EFCAB13: variants seen among roughly 807,000 people sequenced by gnomAD.
EFCAB13 encodes the protein EF-hand calcium binding domain 13.
A neutral mutation model predicts 110.2 loss-of-function variants in EFCAB13; 91 were observed. That is an observed-to-expected ratio of 0.83 (90% confidence interval 0.70 to 0.98). EFCAB13 has a LOEUF of 0.98. Ranked by LOEUF, EFCAB13 falls within the 50% of genes least tolerant of loss-of-function variation. The pLI is 0.00. For missense variants in EFCAB13, 968 were observed against 1,119.4 expected, an observed-to-expected ratio of 0.86 and a Z score of 1.93; for synonymous variants, 323 against 369.9, an observed-to-expected ratio of 0.87 and a Z score of 1.45.
intron 2 of EFCAB13, among the ~76,000 whole-genome samples, chr17:47,325,960 A>G (rs1029222802): frequency 1.7e-4 from 20 of 117,700 alleles, no homozygotes; most frequent in African/African-American, 5.5e-4. Flanking sequence ...ATATATATAT[A>G]TAGCATATAT....
chr17:47,384,377 A>G (rs1360803463), intron 14 of EFCAB13, among the ~76,000 whole-genome samples: 4 of 150,676 alleles, frequency 2.7e-5, no homozygotes, highest in African/African-American at 7.3e-5. Context: ...TATTTTGAAC[A>G]TTAGTTGATG....
At chr17:47,409,945 T>A (rs967399043) in intron 21 of EFCAB13, among the ~76,000 whole-genome samples, 4 of 152,174 alleles carry the variant, frequency 2.6e-5, no homozygotes, top group African/African-American at 9.7e-5. Context: ...CCTTGCTTTC[T>A]GTACTTCAAC....
intron 20 of EFCAB13, 51 bp from the exon 21 acceptor site, chr17:47,409,596 A>T: frequency 7.2e-7 from 1 of 1,387,338 alleles, no homozygotes; most frequent in Non-Finnish European, 1.0e-6. Context: ...CAAACAGGGT[A>T]AGATCAGGAT....
Position 47,334,019 on chromosome 17 carries a change from T to C in EFCAB13, c.31-1177T>C, listed in dbSNP as rs545630439. ...AATTGCATTGAATCTGTAGATATCATTGGAAAGTATGGACATTTAAACAAT... is the reference window on the plus strand; with the variant it reads ...AATTGCATTGAATCTGTAGATATCACTGGAAAGTATGGACATTTAAACAAT... On this transcript the variant is annotated intron_variant, in intron 4 of 24. Transcript: ENST00000331493. Among the ~76,000 whole-genome samples the C allele has an allele frequency of 2.0e-5, 3 of 152,324 alleles. No homozygotes were observed. In the East Asian group the frequency reaches 5.8e-4, roughly 29 times the overall value.
intron 24 of EFCAB13, among the ~76,000 whole-genome samples, chr17:47,435,773 C>G (rs533706652): frequency 8.6e-5 from 13 of 152,022 alleles, no homozygotes; most frequent in African/African-American, 3.1e-4. Flanking sequence ...AGTTTCGATG[C>G]CTTTCTTTCT....
chr17:47,363,711 G>A (rs1194535757), intron 10 of EFCAB13, among the ~76,000 whole-genome samples: 3 of 152,174 alleles, frequency 2.0e-5, no homozygotes, highest in Non-Finnish European at 4.4e-5. Context: ...GGAACAGTTT[G>A]TGTAAATATG....
chr17:47,379,735 TG>T (rs1274681404), intron 14 of EFCAB13, among the ~76,000 whole-genome samples: 1 of 151,256 alleles, frequency 6.6e-6, no homozygotes, highest in Non-Finnish European at 1.5e-5. Flanking sequence ...AATACGCTTT[TG>T]TTGCTTGCAA....
At chr17:47,432,839 T>C (rs973686243) in intron 24 of EFCAB13, among the ~76,000 whole-genome samples, 4 of 152,268 alleles carry the variant, frequency 2.6e-5, no homozygotes, top group Non-Finnish European at 4.4e-5. Flanking sequence ...AAATGTTTTA[T>C]TTGAAGTGTT....
chr17:47,393,162 A>G (rs2065717314), intron 15 of EFCAB13, among the ~76,000 whole-genome samples: 1 of 152,116 alleles, frequency 6.6e-6, no homozygotes. Context: ...CTCCCACCTC[A>G]TCTTCCTGAG....
At chr17:47,416,486 A>G (rs1209531861) in intron 23 of EFCAB13, among the ~76,000 whole-genome samples, 1 of 151,946 alleles carries the variant, frequency 6.6e-6, no homozygotes, top group African/African-American at 2.4e-5. Flanking sequence ...TTACCTGGGC[A>G]TATTGTGTGA....
chr17:47,404,250 G>T (rs566700665), intron 19 of EFCAB13, among the ~76,000 whole-genome samples: 2 of 152,070 alleles, frequency 1.3e-5, no homozygotes, highest in Non-Finnish European at 2.9e-5. Flanking sequence ...TTGATTTAGC[G>T]AATGAAAAAC....
intron 4 of EFCAB13, among the ~76,000 whole-genome samples, chr17:47,331,465 A>G: frequency 6.6e-6 from 1 of 152,022 alleles, no homozygotes; most frequent in Non-Finnish European, 1.5e-5. Flanking sequence ...AATGAGCAGA[A>G]AATAGAGAGT....
Position 47,328,312 on chromosome 17 carries a change from G to T in EFCAB13, c.-42G>T, listed in dbSNP as rs1423319250. On this transcript the variant is annotated 5_prime_UTR_variant, in exon 4 of 25. Transcript: ENST00000331493. The stretch of plus-strand genomic sequence containing the variant: ...TGCTCATTCATACTTGTTCATCAAA[G>T]CCTGGAGTCCTTAAGGACAGAATTT... The T allele has an allele frequency of 1.3e-6, 2 of 1,571,854 alleles. No individual in the cohort carries two copies. Among genetic ancestry groups the T allele is most frequent in the Non-Finnish European group, 1.8e-6 (2 of 1,142,568 alleles).
intron 9 of EFCAB13, among the ~76,000 whole-genome samples, chr17:47,348,740 A>T (rs749067329): frequency 4.6e-5 from 7 of 152,022 alleles, no homozygotes; most frequent in Non-Finnish European, 8.8e-5. Context: ...TGCCATTTGT[A>T]TATTTTTTGC....
At chr17:47,344,077 A>ATC in intron 6 of EFCAB13, 85 bp from the exon 7 acceptor site, 2 of 1,401,434 alleles carry the variant, frequency 1.4e-6, no homozygotes, top group Non-Finnish European at 1.9e-6. Context: ...ATGATTAATT[A>ATC]TCTTTTAAGA....
At chr17:47,427,458 T>G (rs1904997907) in intron 23 of EFCAB13, among the ~76,000 whole-genome samples, 1 of 152,110 alleles carries the variant, frequency 6.6e-6, no homozygotes, top group South Asian at 2.1e-4. Flanking sequence ...ATGGCATAGT[T>G]GGGTCCATTT....
intron 23 of EFCAB13, among the ~76,000 whole-genome samples, chr17:47,416,328 G>C (rs61219318): frequency 0.05 from 7,595 of 152,106 alleles, 249 homozygotes; most frequent in East Asian, 0.11. Context: ...TCTACTTTCT[G>C]TCTGTATGAA....
Position 47,345,022 on chromosome 17 carries a change from G to T in EFCAB13, c.441G>T (p.Lys147Asn). The T allele has an allele frequency of 6.2e-7, 1 of 1,601,622 alleles. No individual in the cohort carries two copies. The highest frequency in any genetic ancestry group is 1.1e-5 in the South Asian group (1 of 87,954). ...ATGGCTGTTTCTTTGACAGGGAAAAGGAAATGCTGTCTAACCTCTACATGA... is the reference window on the plus strand; with the variant it reads ...ATGGCTGTTTCTTTGACAGGGAAAATGAAATGCTGTCTAACCTCTACATGA... ...LCTSSAITRE[K>N]EMLSNLYMTL... Residue 147 changes from lysine to asparagine, a missense_variant, in exon 8 of 25, where the codon AAG becomes AAT. Coordinates refer to ENST00000331493, the MANE Select transcript of EFCAB13 (RefSeq NM_152347.5).
At chr17:47,325,923 AATATATATATAT>A (rs60735562) in intron 2 of EFCAB13, among the ~76,000 whole-genome samples, 4,885 of 102,522 alleles carry the variant, frequency 0.048, 185 homozygotes, top group Middle Eastern at 0.17. Flanking sequence ...ATATAAACAA[AATATATATATAT>A]ATATATATAT....
Sources: gnomAD v4.1 joint callset for allele counts (sites outside exome capture counted in the v4.1 genomes callset) on GRCh38, gnomAD v4.1.1 for gene constraint, MANE v1.5 for transcripts, NCBI Gene and HGNC (gene_info 2026-07-23, HGNC 2026-07-21) for gene names.